MROH9: variants seen among roughly 807,000 people sequenced by gnomAD.
MROH9 encodes the protein maestro heat-like repeat-containing protein family member 9.
In MROH9, 92 loss-of-function variants were observed where a neutral mutation model predicts 98.2. That is an observed-to-expected ratio of 0.94 (90% CI 0.79 to 1.11). The LOEUF is 1.11. Ranked by LOEUF, MROH9 falls within the 50% of genes most tolerant of loss-of-function variation. The probability of loss-of-function intolerance (pLI) is 0.00; values close to 1 mark genes in which losing one functional copy is unlikely to be tolerated. For synonymous variants in MROH9, 397 were observed against 368.9 expected (o/e 1.08, Z -0.87); for missense variants, 1,057 against 1,014.8 (o/e 1.04, Z -0.57).
intron 3 of MROH9, 29 bp downstream of exon 3, chr1:170,947,602 G>T: frequency 3.8e-6 from 6 of 1,574,756 alleles, no homozygotes; most frequent in Non-Finnish European, 5.2e-6. Context: ...GGATATCAAC[G>T]TAACTGAATT....
chr1:171,010,713 G>T (rs538724456), intron 15 of MROH9, among the ~76,000 whole-genome samples: 11 of 151,484 alleles, frequency 7.3e-5, no homozygotes, highest in Middle Eastern at 6.8e-3. Flanking sequence ...TCATATGTCT[G>T]TTGGCTGCAT....
chr1:170,978,450 G>T (rs1183515693), intron 8 of MROH9, among the ~76,000 whole-genome samples: 1 of 152,152 alleles, frequency 6.6e-6, no homozygotes, highest in Non-Finnish European at 1.5e-5. Context: ...TGACCATTCT[G>T]CAGTTGTAAG....
chr1:170,945,923 T>A (rs1033411883), intron 2 of MROH9, among the ~76,000 whole-genome samples: 2 of 151,928 alleles, frequency 1.3e-5, no homozygotes, highest in African/African-American at 4.8e-5. Context: ...AAAGAGGAAA[T>A]TAATAGGAAA....
intron 8 of MROH9, among the ~76,000 whole-genome samples, chr1:170,979,677 A>T (rs1482955652): frequency 6.6e-6 from 1 of 152,200 alleles, no homozygotes; most frequent in African/African-American, 2.4e-5. Context: ...TCTTTGAAAG[A>T]TACTGTTAAT....
intron 14 of MROH9, 102 bp from the exon 15 acceptor site, chr1:170,998,052 T>C (rs1185741745): frequency 1.2e-5 from 10 of 842,692 alleles, no homozygotes; most frequent in Non-Finnish European, 1.8e-5. Flanking sequence ...AGAATATCTT[T>C]CATCTGGGAG....
chr1:171,051,514 C>G (rs1217263134), intron 20 of MROH9, among the ~76,000 whole-genome samples: 4 of 152,110 alleles, frequency 2.6e-5, no homozygotes, highest in Non-Finnish European at 5.9e-5. Flanking sequence ...CACATATTCT[C>G]ACTTATAAGT....
chr1:171,064,020 G>A (rs1557920021), intron 21 of MROH9, 79 bp from the exon 22 acceptor site: 1 of 1,378,676 alleles, frequency 7.3e-7, no homozygotes, highest in Non-Finnish European at 9.7e-7. Flanking sequence ...TGTGAAAGGT[G>A]GCAGGGCTGT....
chr1:171,056,830 G>A (rs970885233), intron 20 of MROH9, among the ~76,000 whole-genome samples: 1 of 152,108 alleles, frequency 6.6e-6, no homozygotes, highest in African/African-American at 2.4e-5. Flanking sequence ...AGATGAATAG[G>A]GCATGAAGTG....
At chr1:171,053,199 C>T (rs1653724897) in intron 20 of MROH9, among the ~76,000 whole-genome samples, 1 of 152,188 alleles carries the variant, frequency 6.6e-6, no homozygotes, top group African/African-American at 2.4e-5. Flanking sequence ...ACCCTTCACC[C>T]ACTTCAAAGC....
intron 15 of MROH9, among the ~76,000 whole-genome samples, chr1:171,006,903 T>C (rs1214233893): frequency 6.6e-6 from 1 of 152,186 alleles, no homozygotes; most frequent in Non-Finnish European, 1.5e-5. Flanking sequence ...TGTTTTCTTG[T>C]ATCTCATTGA....
chr1:171,043,740 G>A (rs1653378576), intron 20 of MROH9, among the ~76,000 whole-genome samples: 1 of 151,628 alleles, frequency 6.6e-6, no homozygotes, highest in Non-Finnish European at 1.5e-5. Flanking sequence ...TTTATGTGTG[G>A]CTATTAGAAA....
At chr1:170,948,122 AT>A (rs1315830904) in intron 3 of MROH9, among the ~76,000 whole-genome samples, 1 of 151,924 alleles carries the variant, frequency 6.6e-6, no homozygotes, top group African/African-American at 2.4e-5. Context: ...GTAGCACAGT[AT>A]TGTCTTAGTG....
At chr1:170,944,711 A>C (rs1649255115) in intron 1 of MROH9, among the ~76,000 whole-genome samples, 1 of 152,064 alleles carries the variant, frequency 6.6e-6, no homozygotes, top group South Asian at 2.1e-4. Flanking sequence ...TCACATTATG[A>C]AAAAGTTCAT....
In MROH9 at chr1:171,064,248, A is replaced by C. The variant is rs1242626908; in HGVS notation, c.2494A>C (p.Lys832Gln). 1 of 1,551,596 alleles carries C rather than the reference A, an allele frequency of 6.4e-7. No homozygotes were observed. Among genetic ancestry groups the C allele is most frequent in the Non-Finnish European group, 8.7e-7 (1 of 1,146,922 alleles). ...ATTGCTTAAATTATTCTACATCAAA[A>C]AATTGAAGCCTCTTTACAATTATAA... ...QKLLKLFYIK[K>Q]LKPLYNYNSP... Residue 832 changes from lysine (K) to glutamine (Q), a missense_variant, in exon 22 of 22, where the codon AAA (lysine) becomes CAA (glutamine). Coordinates refer to ENST00000367759, the MANE Select transcript of MROH9 (RefSeq NM_001163629.2).
chr1:171,063,088 A>G (rs765421931), intron 21 of MROH9, among the ~76,000 whole-genome samples: 3 of 151,900 alleles, frequency 2.0e-5, no homozygotes, highest in Admixed American at 6.6e-5. Flanking sequence ...TCTTTCTTAC[A>G]GTCATTTTCT....
At chr1:170,995,611 T>C in intron 13 of MROH9, 80 bp downstream of exon 13, 1 of 1,495,714 alleles carries the variant, frequency 6.7e-7, no homozygotes, top group East Asian at 2.3e-5. Context: ...TGGGTTCATA[T>C]GGGATTCTTT....
At chr1:170,944,326 A>T (rs1571435251) in intron 1 of MROH9, among the ~76,000 whole-genome samples, 1 of 152,028 alleles carries the variant, frequency 6.6e-6, no homozygotes, top group East Asian at 1.9e-4. Context: ...ACAAAACACC[A>T]CATCACACAC....
At position 171,048,807 on chromosome 1, in the gene MROH9, G is replaced by C. The variant is rs531895966; in HGVS notation, c.2282-13325G>C. Among the ~76,000 whole-genome samples, 4 of 152,318 alleles carry C rather than the reference G, an allele frequency of 2.6e-5. No individual in the cohort carries two copies. The East Asian group carries it at 7.7e-4, about 29-fold the overall frequency. ...AGGTTCACCCAAGGCCCACAATGTA[G>C]TACCTGGGTATTGCTGCTGGTTATT... is the stretch of plus-strand genomic sequence containing the variant. On this transcript the variant is annotated intron_variant, in intron 20 of 21. Coordinates refer to ENST00000367759, the MANE Select transcript of MROH9 (RefSeq NM_001163629.2).
chr1:170,949,027 G>A (rs1649446158), intron 3 of MROH9, among the ~76,000 whole-genome samples: 1 of 152,056 alleles, frequency 6.6e-6, no homozygotes, highest in Admixed American at 6.6e-5. Context: ...GTGTTGAACT[G>A]CAATGCACTT....
Sources: allele counts gnomAD v4.1 joint callset (sites outside exome capture counted in the v4.1 genomes callset), GRCh38; gene constraint gnomAD v4.1.1; transcripts MANE v1.5; gene names NCBI Gene and HGNC (gene_info 2026-07-23, HGNC 2026-07-21).